CACNA1E: variants seen among roughly 807,000 people sequenced by gnomAD.
The protein encoded by CACNA1E is calcium voltage-gated channel subunit alpha1 E, also known as voltage-dependent R-type calcium channel subunit alpha-1E.
CACNA1E carries 40 observed loss-of-function variants against 259.2 expected under a neutral mutation model. The ratio of observed to expected loss-of-function variants is 0.15; its 90% CI spans 0.12 to 0.20. The LOEUF (loss-of-function observed/expected upper bound fraction) is 0.20, where lower values mean the gene tolerates loss of function less well. Among genes scored for constraint, CACNA1E ranks in the 10% least tolerant of loss-of-function variants. The pLI, the probability that CACNA1E is intolerant of heterozygous loss-of-function variation, is 1.00. For synonymous variants in CACNA1E, 1,104 were observed against 1,138.5 expected, an observed-to-expected ratio of 0.97 and a Z score of 0.61; for missense variants, 1,874 against 3,040.1, an observed-to-expected ratio of 0.62 and a Z score of 9.02.
intron 2 of CACNA1E, among the ~76,000 whole-genome samples, chr1:181,467,341 G>A (rs1484250750): frequency 6.6e-6 from 1 of 152,210 alleles, no homozygotes; most frequent in Non-Finnish European, 1.5e-5. Context: ...CAGGGGATGA[G>A]GGTACACAGG....
At chr1:181,561,065 G>T (rs763746730) in intron 3 of CACNA1E, among the ~76,000 whole-genome samples, 17 of 152,156 alleles carry the variant, frequency 1.1e-4, no homozygotes, top group Non-Finnish European at 1.9e-4. Context: ...AGCAGAAGAT[G>T]GTTGCCAGGG....
intron 3 of CACNA1E, among the ~76,000 whole-genome samples, chr1:181,557,125 A>G (rs1326434024): frequency 2.0e-5 from 3 of 152,110 alleles, no homozygotes; most frequent in African/African-American, 4.8e-5. Context: ...GTGTGGGATC[A>G]ACATTCCCAC....
chr1:181,651,577 T>C, intron 7 of CACNA1E, 136 bp downstream of exon 7: 1 of 619,384 alleles, frequency 1.6e-6, no homozygotes, highest in Non-Finnish European at 2.9e-6. Flanking sequence ...CTGTGCCAAA[T>C]GCTTTCTAGA....
At chr1:181,545,678 C>T (rs1357067282) in intron 3 of CACNA1E, among the ~76,000 whole-genome samples, 1 of 152,206 alleles carries the variant, frequency 6.6e-6, no homozygotes, top group Non-Finnish European at 1.5e-5. Context: ...CACAGTCTGT[C>T]TGCTTTACCC....
At chr1:181,771,938 C>G in intron 36 of CACNA1E, 128 bp from the exon 37 acceptor site, 1 of 795,308 alleles carries the variant, frequency 1.3e-6, no homozygotes, top group Non-Finnish European at 2.0e-6. Flanking sequence ...TAGAAGGGGT[C>G]AACTGGGTAA....
Position 181,732,761 on chromosome 1 carries a change from G to A in CACNA1E, c.2675G>A (p.Cys892Tyr). The A allele has an allele frequency of 6.4e-7, 1 of 1,573,666 alleles. No homozygotes were observed. Among genetic ancestry groups the A allele is most frequent in the South Asian group, 1.2e-5 (1 of 82,674 alleles). Residue 892 changes from cysteine (C) to tyrosine (Y), a missense_variant, in exon 20 of 48, where the codon TGT becomes TAT. Cys to Tyr is a radical substitution (Grantham distance 194). Transcript: ENST00000367573. The surrounding 1 kb of genome is among the most constrained non-coding windows in gnomAD (Gnocchi z 5.5). ...PWLARPCHGN[C>Y]DPTQQEAGGG... The stretch of plus-strand genomic sequence containing the variant: ...CTGGCCAGGCCCTGTCATGGAAACT[G>A]TGACCCGACTCAGCAGGAGGCAGGG...
At chr1:181,571,565 ACC>A (rs926206999) in intron 3 of CACNA1E, among the ~76,000 whole-genome samples, 7 of 152,298 alleles carry the variant, frequency 4.6e-5, no homozygotes, top group African/African-American at 1.7e-4. Context: ...TATGTCAACT[ACC>A]CATGGGAATG....
intron 7 of CACNA1E, among the ~76,000 whole-genome samples, chr1:181,698,134 A>T (rs2102359285): frequency 6.6e-6 from 1 of 152,332 alleles, no homozygotes; most frequent in South Asian, 2.1e-4. Context: ...AAGTTGTCTA[A>T]CAGTCTACAC....
chr1:181,524,905 A>G (rs623898), intron 3 of CACNA1E, among the ~76,000 whole-genome samples: 25,482 of 152,180 alleles, frequency 0.17, 2,298 homozygotes, highest in African/African-American at 0.22. Context: ...TCTCTTCATT[A>G]TCTATGTGAG....
At chr1:181,698,199 C>T (rs1183983214) in intron 7 of CACNA1E, among the ~76,000 whole-genome samples, 2 of 152,228 alleles carry the variant, frequency 1.3e-5, no homozygotes, top group African/African-American at 2.4e-5. Flanking sequence ...CTCTAAACCT[C>T]ACCAGTATTC....
intron 6 of CACNA1E, among the ~76,000 whole-genome samples, chr1:181,620,144 G>T (rs1026943799): frequency 6.6e-6 from 1 of 152,110 alleles, no homozygotes; most frequent in South Asian, 2.1e-4. Context: ...TATTCTGGGG[G>T]TCAACTGATT....
chr1:181,552,147 C>T lies in CACNA1E; in HGVS notation c.513-25619C>T, dbSNP rs188092070. On this transcript the variant is annotated intron_variant, in intron 3 of 47. Transcript: ENST00000367573. ...AACACCCAGAATGAACCACAGTACT[C>T]GACTGGTCTGACCAATGCAGAGGAC... 2.2e-4 allele frequency among the ~76,000 whole-genome samples: 33 copies of T among 152,292 alleles called. No individual in the cohort carries two copies. In the East Asian group the frequency reaches 5.8e-3, roughly 27 times the overall value.
At chr1:181,785,850 C>A in intron 43 of CACNA1E, 31 bp downstream of exon 43, 1 of 1,419,650 alleles carries the variant, frequency 7.0e-7, no homozygotes, top group Non-Finnish European at 9.8e-7. Context: ...CCTGGCATGG[C>A]TGTTTGCAAT....
chr1:181,331,093 AGCAT>A (rs1212857192), intron 1 of CACNA1E, among the ~76,000 whole-genome samples: 1 of 152,162 alleles, frequency 6.6e-6, no homozygotes, highest in Non-Finnish European at 1.5e-5. Flanking sequence ...AGATTAAACA[AGCAT>A]ATAAAGTATT....
chr1:181,419,837 T>C (rs1658591871), intron 2 of CACNA1E, among the ~76,000 whole-genome samples: 1 of 152,234 alleles, frequency 6.6e-6, no homozygotes, highest in Non-Finnish European at 1.5e-5. Context: ...TAGTCAGCAG[T>C]GGAAGTGGGG....
intron 3 of CACNA1E, among the ~76,000 whole-genome samples, chr1:181,562,563 A>G (rs1649429951): frequency 6.6e-6 from 1 of 152,160 alleles, no homozygotes; most frequent in African/African-American, 2.4e-5. Context: ...TTTTCATAAA[A>G]TCTTAACTTG....
At chr1:181,510,144 T>G (rs1416152495) in intron 1 of CACNA1E, among the ~76,000 whole-genome samples, 3 of 152,224 alleles carry the variant, frequency 2.0e-5, no homozygotes, top group African/African-American at 7.2e-5. Context: ...CCTTCTATTT[T>G]CAGCCTTGGT....
At chr1:181,339,252 G>C (rs35536527) in intron 1 of CACNA1E, among the ~76,000 whole-genome samples, 15,841 of 152,122 alleles carry the variant, frequency 0.1, 1,104 homozygotes, top group Middle Eastern at 0.19. Context: ...ACGTTGGGCA[G>C]TGTGACCATT....
At chr1:181,522,152 CA>C (rs1161054041) in intron 3 of CACNA1E, among the ~76,000 whole-genome samples, 4 of 152,190 alleles carry the variant, frequency 2.6e-5, no homozygotes, top group Non-Finnish European at 4.4e-5. Context: ...TTAAAGTCCT[CA>C]GTGTCCCTTT....
Sources: gnomAD v4.1 joint callset for allele counts (sites outside exome capture counted in the v4.1 genomes callset) on GRCh38, gnomAD v4.1.1 for gene constraint, Gnocchi (gnomAD v3.1) non-coding constraint, MANE v1.5 for transcripts, NCBI Gene and HGNC (gene_info 2026-07-23, HGNC 2026-07-21) for gene names.